The following FARS2 variants were observed in gnomAD, a reference collection of about 807,000 sequenced individuals.
FARS2 encodes the protein phenylalanyl-tRNA synthetase 2, mitochondrial, also known as phenylalanine--tRNA ligase, mitochondrial.
A neutral mutation model predicts 46.4 loss-of-function variants in FARS2; 40 were observed. That is an observed-to-expected ratio of 0.86 (90% confidence interval 0.67 to 1.12). FARS2 has a LOEUF of 1.12. Ranked by LOEUF, FARS2 falls within the 50% of genes most tolerant of loss-of-function variation. The pLI is 0.00. For missense variants in FARS2, 513 were observed against 567.9 expected, an observed-to-expected ratio of 0.90 and a Z score of 0.98; for synonymous variants, 234 against 214.9, an observed-to-expected ratio of 1.09 and a Z score of -0.78.
intron 5 of FARS2, among the ~76,000 whole-genome samples, chr6:5,600,203 C>T (rs1054202518): frequency 6.6e-6 from 1 of 152,120 alleles, no homozygotes; most frequent in African/African-American, 2.4e-5. Context: ...ACAAGGTTAC[C>T]AGAATGATTG....
intron 1 of FARS2, among the ~76,000 whole-genome samples, chr6:5,289,032 A>G (rs955518861): frequency 3.9e-5 from 6 of 152,230 alleles, no homozygotes; most frequent in African/African-American, 1.4e-4. Flanking sequence ...TTTCTTCACA[A>G]TCAGCATGCC....
At chr6:5,379,351 A>G (rs980149336) in intron 2 of FARS2, among the ~76,000 whole-genome samples, 2 of 152,196 alleles carry the variant, frequency 1.3e-5, no homozygotes, top group Non-Finnish European at 2.9e-5. Flanking sequence ...TTAGGGTCCA[A>G]TTCTGATATG....
At position 5,294,688 on chromosome 6, in the gene FARS2, T is replaced by TA. The variant is rs563101568; in HGVS notation, c.-22+33029dup. 2.1e-3 allele frequency among the ~76,000 whole-genome samples: 315 copies of TA among 152,240 alleles called. 2 individuals are homozygous for TA. The highest frequency in any genetic ancestry group is 7.3e-3 in the African/African-American group (304 of 41,546). On this transcript the variant is annotated intron_variant, in intron 1 of 6. Coordinates refer to ENST00000274680, the MANE Select transcript of FARS2 (RefSeq NM_006567.5). ...GGAAAACTTATGATTACTGGTTTTTTATAAAGGATATTGCAAAGGATACAG... is the reference window on the plus strand; with the variant it reads ...GGAAAACTTATGATTACTGGTTTTTTAATAAAGGATATTGCAAAGGATACAG...
intron 6 of FARS2, among the ~76,000 whole-genome samples, chr6:5,632,029 G>T (rs1776314806): frequency 1.3e-5 from 2 of 152,224 alleles, no homozygotes; most frequent in South Asian, 4.1e-4. Context: ...GAAAATTAAA[G>T]TTAGATAAAA....
At chr6:5,722,179 C>T (rs1011446865) in intron 6 of FARS2, among the ~76,000 whole-genome samples, 3 of 152,198 alleles carry the variant, frequency 2.0e-5, no homozygotes, top group Non-Finnish European at 1.5e-5. Context: ...AAGGCACCCA[C>T]AGTTTTATCT....
chr6:5,441,524 T>A (rs1763842902), intron 4 of FARS2, among the ~76,000 whole-genome samples: 1 of 152,248 alleles, frequency 6.6e-6, no homozygotes, highest in Non-Finnish European at 1.5e-5. Context: ...GCTCCTTTCA[T>A]GACTTTAGGT....
At chr6:5,275,906 A>G (rs1766301141) in intron 1 of FARS2, among the ~76,000 whole-genome samples, 1 of 152,186 alleles carries the variant, frequency 6.6e-6, no homozygotes, top group African/African-American at 2.4e-5. Context: ...ATTTTATATT[A>G]TCTTAAGCTT....
At chr6:5,365,317 C>CTTTCTTTT (rs1758583787) in intron 1 of FARS2, among the ~76,000 whole-genome samples, 1 of 42,494 alleles carries the variant, frequency 2.4e-5, no homozygotes, top group African/African-American at 1.0e-4. Context: ...AGTATACTTT[C>CTTTCTTTT]TTTTTTTTTT....
intron 1 of FARS2, among the ~76,000 whole-genome samples, chr6:5,335,945 A>AG (rs1260068508): frequency 1.3e-5 from 2 of 152,112 alleles, no homozygotes; most frequent in African/African-American, 4.8e-5. Context: ...TGCTTTGTAT[A>AG]GAGGGGAAGA....
intron 2 of FARS2, among the ~76,000 whole-genome samples, chr6:5,370,359 A>T (rs1418797709): frequency 6.6e-6 from 1 of 151,538 alleles, no homozygotes; most frequent in Admixed American, 6.6e-5. Flanking sequence ...ATCTCGGGGG[A>T]TCTCAAATGA....
chr6:5,744,954 T>A (rs1761554059), intron 6 of FARS2, among the ~76,000 whole-genome samples: 2 of 152,232 alleles, frequency 1.3e-5, no homozygotes, highest in Non-Finnish European at 2.9e-5. Flanking sequence ...GAAATCAAGA[T>A]GATCATCCTA....
At chr6:5,736,964 G>A (rs1297892953) in intron 6 of FARS2, among the ~76,000 whole-genome samples, 2 of 151,972 alleles carry the variant, frequency 1.3e-5, no homozygotes. Context: ...CCTTCCTCTC[G>A]CCCTCCACAC....
chr6:5,260,729 G>T, upstream of FARS2: 1 of 1,548,622 alleles, frequency 6.5e-7, no homozygotes. Context: ...ACTGGAGGCT[G>T]CCATTTTGGA....
At chr6:5,669,374 C>T (rs1778327647) in intron 6 of FARS2, among the ~76,000 whole-genome samples, 1 of 150,588 alleles carries the variant, frequency 6.6e-6, no homozygotes, top group African/African-American at 2.4e-5. Flanking sequence ...AGCCCACCTC[C>T]CCCCACCCCC....
intron 3 of FARS2, among the ~76,000 whole-genome samples, chr6:5,418,119 A>G (rs1276013474): frequency 6.6e-6 from 1 of 152,218 alleles, no homozygotes; most frequent in Admixed American, 6.5e-5. Context: ...CTTTTTGAAC[A>G]TAACGAATAT....
At chr6:5,532,783 T>TAAGAAGAAGAAGAAG (rs756604628) in intron 4 of FARS2, among the ~76,000 whole-genome samples, 30 of 138,750 alleles carry the variant, frequency 2.2e-4, no homozygotes, top group African/African-American at 8.8e-4. Context: ...ATAATAATAA[T>TAAGAAGAAGAAGAAG]AAGAAGAAGA....
intron 1 of FARS2, among the ~76,000 whole-genome samples, chr6:5,348,927 A>G (rs1249032697): frequency 6.6e-6 from 1 of 152,182 alleles, no homozygotes; most frequent in Non-Finnish European, 1.5e-5. Flanking sequence ...AACAACAAAG[A>G]TGTCTGCTTT....
chr6:5,677,992 G>A (rs553732870), intron 6 of FARS2, among the ~76,000 whole-genome samples: 240 of 152,198 alleles, frequency 1.6e-3, no homozygotes, highest in African/African-American at 5.1e-3. Flanking sequence ...GGATGGATGT[G>A]GAAAACTGAG....
intron 5 of FARS2, among the ~76,000 whole-genome samples, chr6:5,612,054 C>G (rs756423920): frequency 2.6e-5 from 4 of 152,184 alleles, no homozygotes; most frequent in Non-Finnish European, 5.9e-5. Context: ...GGAGAGAAAA[C>G]AAAACGCTTC....
Sources: allele counts gnomAD v4.1 joint callset (sites outside exome capture counted in the v4.1 genomes callset), GRCh38; gene constraint gnomAD v4.1.1; transcripts MANE v1.5; gene names NCBI Gene and HGNC (gene_info 2026-07-23, HGNC 2026-07-21).